SUGCT: variants seen among roughly 807,000 people sequenced by gnomAD.
The protein encoded by SUGCT is succinyl-CoA:glutarate CoA-transferase.
Under a neutral mutation model 55.0 loss-of-function variants are expected in SUGCT, and 41 were observed. The ratio of observed to expected loss-of-function variants is 0.74; its 90% CI spans 0.58 to 0.97. SUGCT has a LOEUF of 0.97. Among genes scored for constraint, SUGCT ranks in the 50% least tolerant of loss-of-function variants. SUGCT has a pLI of 0.00. For synonymous variants in SUGCT, 187 were observed against 200.4 expected (o/e 0.93, Z 0.56); for missense variants, 568 against 547.8 (o/e 1.04, Z -0.37).
chr7:40,398,682 A>G (rs567978413), intron 9 of SUGCT, among the ~76,000 whole-genome samples: 10 of 152,268 alleles, frequency 6.6e-5, no homozygotes, highest in East Asian at 1.9e-4. Flanking sequence ...ATAAGGCCCA[A>G]TCTTTTTATT....
At chr7:40,452,190 T>C (rs2151433570) in intron 10 of SUGCT, among the ~76,000 whole-genome samples, 1 of 152,356 alleles carries the variant, frequency 6.6e-6, no homozygotes, top group East Asian at 1.9e-4. Context: ...GAAAATCTTG[T>C]TGTGTATAAA....
At chr7:40,201,869 T>G (rs1436504430) in intron 6 of SUGCT, among the ~76,000 whole-genome samples, 2 of 152,228 alleles carry the variant, frequency 1.3e-5, no homozygotes, top group Non-Finnish European at 2.9e-5. Context: ...CCAGATGCTT[T>G]CTTCTCTCCC....
intron 12 of SUGCT, among the ~76,000 whole-genome samples, chr7:40,725,526 T>G (rs1237728880): frequency 6.6e-6 from 1 of 152,100 alleles, no homozygotes; most frequent in African/African-American, 2.4e-5. Context: ...GTGGCCAACA[T>G]AACACATTGA....
At chr7:40,291,762 A>C (rs1793793935) in intron 8 of SUGCT, among the ~76,000 whole-genome samples, 1 of 152,110 alleles carries the variant, frequency 6.6e-6, no homozygotes. Context: ...TCTAGATTGC[A>C]GTTGAAAGTG....
chr7:40,289,480 A>G (rs1306910652), intron 8 of SUGCT, among the ~76,000 whole-genome samples: 2 of 152,220 alleles, frequency 1.3e-5, no homozygotes, highest in African/African-American at 4.8e-5. Context: ...TCTCTCAACA[A>G]ATTAGGTATT....
the SUGCT span, among the ~76,000 whole-genome samples, chr7:41,035,307 A>G: frequency 1.3e-5 from 2 of 152,246 alleles, no homozygotes; most frequent in Admixed American, 6.5e-5. Context: ...GCTGTAACAC[A>G]ACCACTTACA....
chr7:40,860,318 C>T lies in SUGCT; in HGVS notation c.1156C>T (p.Pro386Ser). 1 of 1,613,912 alleles carries T rather than the reference C, an allele frequency of 6.2e-7. No individual in the cohort carries two copies. The highest frequency in any genetic ancestry group is 8.5e-7 in the Non-Finnish European group (1 of 1,179,850). Residue 386 changes from proline to serine, a missense_variant and splice_region_variant, in exon 14 of 14, where the codon CCA becomes TCA. Physicochemically the swap from Pro to Ser is moderately conservative, Grantham distance 74 (BLOSUM62 -1). Coordinates refer to ENST00000335693, the MANE Select transcript of SUGCT (RefSeq NM_001193313.2). The stretch of plus-strand genomic sequence containing the variant: ...CTGCTTTCCTTCTCCTTTGGCAGGC[C>T]CAGCTGTGAGATACAGTAAGTTCAA... ...PTVGKISVPG[P>S]AVRYSKFKMS... is the part of the protein sequence containing the mutation.
chr7:40,772,124 C>T (rs1275560554), intron 13 of SUGCT, among the ~76,000 whole-genome samples: 1 of 152,176 alleles, frequency 6.6e-6, no homozygotes, highest in East Asian at 1.9e-4. Flanking sequence ...CCTCCATCCT[C>T]AGCAGGATGA....
intron 10 of SUGCT, among the ~76,000 whole-genome samples, chr7:40,450,731 G>A (rs1364643105): frequency 2.6e-5 from 4 of 151,414 alleles, no homozygotes; most frequent in Non-Finnish European, 4.4e-5. Context: ...CCGAGATTGC[G>A]CCACTGCACT....
chr7:40,339,373 T>C (rs1056874408), intron 9 of SUGCT, among the ~76,000 whole-genome samples: 1 of 152,206 alleles, frequency 6.6e-6, no homozygotes, highest in Admixed American at 6.5e-5. Flanking sequence ...GCAGGCCTCC[T>C]TGAGCTGCGG....
chr7:40,697,916 C>A (rs1785006811), intron 12 of SUGCT, among the ~76,000 whole-genome samples: 1 of 152,160 alleles, frequency 6.6e-6, no homozygotes, highest in Non-Finnish European at 1.5e-5. Context: ...TTGAGAATAC[C>A]CAGCAGAGAA....
intron 12 of SUGCT, among the ~76,000 whole-genome samples, chr7:40,629,190 C>T (rs1012405872): frequency 5.9e-5 from 9 of 152,060 alleles, no homozygotes; most frequent in Non-Finnish European, 7.4e-5. Flanking sequence ...TACATACAGC[C>T]GACACTTACT....
At chr7:40,718,294 A>G (rs1290667976) in intron 12 of SUGCT, among the ~76,000 whole-genome samples, 5 of 152,214 alleles carry the variant, frequency 3.3e-5, no homozygotes, top group Non-Finnish European at 7.3e-5. Context: ...TTCAGAAACA[A>G]TGTTTGAGAA....
At chr7:40,590,842 C>T (rs555081903) in intron 12 of SUGCT, among the ~76,000 whole-genome samples, 2 of 152,338 alleles carry the variant, frequency 1.3e-5, no homozygotes, top group East Asian at 3.8e-4. Context: ...GCCTGGATTA[C>T]ACTGCGTCTG....
chr7:40,920,272 T>C, the SUGCT span, among the ~76,000 whole-genome samples: 1 of 152,224 alleles, frequency 6.6e-6, no homozygotes, highest in Non-Finnish European at 1.5e-5. Flanking sequence ...ATATGGCATA[T>C]ATGATGCCCA....
intron 12 of SUGCT, among the ~76,000 whole-genome samples, chr7:40,675,082 A>G (rs1783896840): frequency 7.0e-6 from 1 of 143,034 alleles, no homozygotes; most frequent in Admixed American, 7.0e-5. Context: ...TTTTTTTGAG[A>G]CAGAGTTTCA....
At chr7:40,936,431 T>G in the SUGCT span, among the ~76,000 whole-genome samples, 2 of 151,866 alleles carry the variant, frequency 1.3e-5, no homozygotes, top group Non-Finnish European at 2.9e-5. Flanking sequence ...TTGTTATTAT[T>G]AATAATGTTC....
chr7:40,854,470 TTCTTTC>T (rs1314439007), intron 13 of SUGCT, among the ~76,000 whole-genome samples: 2 of 144,062 alleles, frequency 1.4e-5, no homozygotes, highest in South Asian at 2.2e-4. Flanking sequence ...CTTTCTTTCT[TTCTTTC>T]TCTTTCTCTC....
At chr7:40,190,569 G>C (rs1266319462) in intron 5 of SUGCT, among the ~76,000 whole-genome samples, 1 of 152,050 alleles carries the variant, frequency 6.6e-6, no homozygotes, top group Non-Finnish European at 1.5e-5. Context: ...TACTCTCTAG[G>C]GTTGTTGTTA....
Sources: gnomAD v4.1 joint callset for allele counts (sites outside exome capture counted in the v4.1 genomes callset) on GRCh38, gnomAD v4.1.1 for gene constraint, MANE v1.5 for transcripts, NCBI Gene and HGNC (gene_info 2026-07-23, HGNC 2026-07-21) for gene names.